Variants in ANKRD26 observed in about 807,000 individuals in gnomAD.
ANKRD26 encodes ankyrin repeat domain 26.
Under a neutral mutation model 208.7 loss-of-function variants are expected in ANKRD26, and 141 were observed. The observed-to-expected ratio is 0.68, with a 90% CI of 0.59 to 0.78. The LOEUF is 0.78. Among genes scored for constraint, ANKRD26 ranks in the 30% least tolerant of loss-of-function variants. The pLI, the probability that ANKRD26 is intolerant of heterozygous loss-of-function variation, is 0.00. For missense variants in ANKRD26, 1,889 were observed against 1,938.7 expected (o/e 0.97, Z 0.48); for synonymous variants, 636 against 660.4 (o/e 0.96, Z 0.57).
At chr10:26,951,990 ATC>A in the ANKRD26 span, among the ~76,000 whole-genome samples, 8 of 107,374 alleles carry the variant, frequency 7.5e-5, no homozygotes, top group Admixed American at 7.9e-4. Flanking sequence ...ATTCTTCTTT[ATC>A]TCTGTTTATC....
chr10:26,977,024 C>T (rs1193806361), intron 5 of ANKRD26, among the ~76,000 whole-genome samples: 1 of 152,134 alleles, frequency 6.6e-6, no homozygotes, highest in Non-Finnish European at 1.5e-5. Context: ...GGCAGTTTGG[C>T]ATTTATCAAA....
chr10:26,972,246 A>G (rs918051201), downstream of ANKRD26, among the ~76,000 whole-genome samples: 1 of 151,804 alleles, frequency 6.6e-6, no homozygotes, highest in Non-Finnish European at 1.5e-5. Context: ...AAAAAAAAAA[A>G]AAAAAGAAAA....
chr10:27,049,558 GA>G (rs751867850), intron 16 of ANKRD26, among the ~76,000 whole-genome samples: 9 of 152,176 alleles, frequency 5.9e-5, no homozygotes, highest in Non-Finnish European at 1.2e-4. Flanking sequence ...GGAACAGAGT[GA>G]AACTGCTGAG....
downstream of ANKRD26, among the ~76,000 whole-genome samples, chr10:27,001,636 A>G (rs370698265): frequency 6.6e-6 from 1 of 152,236 alleles, no homozygotes; most frequent in African/African-American, 2.4e-5. Flanking sequence ...ATCTTTTATT[A>G]TGCAGATGGG....
chr10:26,951,650 T>C, the ANKRD26 span, among the ~76,000 whole-genome samples: 20 of 152,236 alleles, frequency 1.3e-4, no homozygotes, highest in Admixed American at 1.2e-3. Context: ...CGCCTGAGAA[T>C]TTAAAAGTCT....
intron 15 of ANKRD26, among the ~76,000 whole-genome samples, chr10:27,055,538 C>T (rs188272531): frequency 2.0e-4 from 30 of 152,132 alleles, no homozygotes; most frequent in African/African-American, 7.2e-4. Flanking sequence ...TTAAGGGCAC[C>T]GAGTTAAACT....
At chr10:27,076,941 T>C (rs963833283) in intron 9 of ANKRD26, 8 of 182,156 alleles carry the variant, frequency 4.4e-5, no homozygotes, top group Admixed American at 1.1e-4. Context: ...TGATAACAAT[T>C]CTACTGAAAC....
chr10:27,086,438 A>T, intron 5 of ANKRD26, 101 bp downstream of exon 5: 1 of 1,479,230 alleles, frequency 6.8e-7, no homozygotes, highest in Non-Finnish European at 9.2e-7. Context: ...CACCTTATAC[A>T]CTGATTTTTA....
At chr10:27,051,134 C>A (rs1439222229) in intron 16 of ANKRD26, 9 of 1,290,138 alleles carry the variant, frequency 7.0e-6, no homozygotes, top group Non-Finnish European at 9.1e-6. Context: ...CATTTTTAAA[C>A]CTTTGCATAT....
rs1191477094 is a variant in ANKRD26, at chr10:27,004,820, G to A, written c.*770C>T. 1 of 155,964 alleles carries A rather than the reference G, an allele frequency of 6.4e-6. No homozygotes were observed. The highest frequency in any genetic ancestry group is 1.4e-5 in the Non-Finnish European group (1 of 71,534). 9.7% of individuals were successfully genotyped at this position (155,964 alleles called of 1,614,324 possible). A position where few individuals can be genotyped will look rare whatever the true frequency, so the allele number is the denominator to read the frequency against. The stretch of plus-strand genomic sequence containing the variant: ...AAATACAAGCCATGGATTAGAATGG[G>A]ATCCTTTTGCTATAAAGGACATTAC... On this transcript the variant is annotated 3_prime_UTR_variant, in exon 34 of 34. Transcript: ENST00000376087.
chr10:27,076,694 G>C (rs1460864929), intron 9 of ANKRD26, among the ~76,000 whole-genome samples: 4 of 152,010 alleles, frequency 2.6e-5, no homozygotes, highest in African/African-American at 9.7e-5. Flanking sequence ...AAATACAAAA[G>C]ATAGCTCAAG....
chr10:27,044,187 A>G lies in ANKRD26; in HGVS notation c.1989T>C (p.Pro663=). 7.0e-7 allele frequency: 1 copy of G among 1,428,164 alleles called. No homozygotes were observed. The highest frequency in any genetic ancestry group is 9.5e-7 in the Non-Finnish European group (1 of 1,048,214). 88.5% of individuals were successfully genotyped at this position (1,428,164 alleles called of 1,614,324 possible). The change falls in exon 19 of 34, where the codon CCT becomes CCC. Residue 663 remains proline (P), a synonymous_variant. Transcript: ENST00000376087. ...LSEIDEDEGR[P]TKKTSNEKNK... ...TCTTTTCATTAGATGTTTTCTTAGTAGGCCTAAAAAAAAAAAATACCTTTC... is the reference window on the plus strand; with the variant it reads ...TCTTTTCATTAGATGTTTTCTTAGTGGGCCTAAAAAAAAAAAATACCTTTC...
At position 27,028,842 on chromosome 10, in the gene ANKRD26, G is replaced by T; in HGVS notation, c.3972+10C>A. ...TTTTCAGTACGACAGAAATTAAGTG[G>T]CTGACTTACCAAATTTGCATTTAAC... On this transcript the variant is annotated intron_variant, in intron 27 of 33. Transcript: ENST00000376087. The T allele has an allele frequency of 6.2e-7, 1 of 1,607,404 alleles. No individual in the cohort carries two copies. The highest frequency in any genetic ancestry group is 8.5e-7 in the Non-Finnish European group (1 of 1,174,386).
chr10:27,099,759 T>C (rs1055792198), intron 1 of ANKRD26, among the ~76,000 whole-genome samples: 6 of 152,258 alleles, frequency 3.9e-5, no homozygotes, highest in African/African-American at 1.4e-4. Flanking sequence ...TATGCACCTT[T>C]CCATAAGTGT....
chr10:27,017,183 G>A (rs1589220644), intron 30 of ANKRD26, among the ~76,000 whole-genome samples: 1 of 152,124 alleles, frequency 6.6e-6, no homozygotes, highest in Admixed American at 6.5e-5. Context: ...TAAAAAGTGA[G>A]CAATGTAATT....
chr10:26,952,438 G>A, the ANKRD26 span, among the ~76,000 whole-genome samples: 5 of 147,636 alleles, frequency 3.4e-5, no homozygotes, highest in South Asian at 1.0e-3. Flanking sequence ...TTTGCTGTAG[G>A]TTTTGGGCAC....
At chr10:27,073,602 C>T (rs2055584197) in intron 9 of ANKRD26, among the ~76,000 whole-genome samples, 1 of 152,148 alleles carries the variant, frequency 6.6e-6, no homozygotes, top group African/African-American at 2.4e-5. Context: ...TTTGTCAAGG[C>T]CAAACTTGGG....
At chr10:27,046,582 A>G in intron 17 of ANKRD26, 59 bp from the exon 18 acceptor site, 2 of 1,515,048 alleles carry the variant, frequency 1.3e-6, no homozygotes, top group East Asian at 2.3e-5. Flanking sequence ...AAGAAACAAC[A>G]TGCAGAAAGA....
chr10:27,074,661 G>C (rs1272734598), intron 9 of ANKRD26, among the ~76,000 whole-genome samples: 7 of 152,108 alleles, frequency 4.6e-5, no homozygotes, highest in Non-Finnish European at 1.0e-4. Context: ...GGGTGACAGA[G>C]AGACTCTGTC....
Sources: gnomAD v4.1 joint callset for allele counts (sites outside exome capture counted in the v4.1 genomes callset) on GRCh38, gnomAD v4.1.1 for gene constraint, MANE v1.5 for transcripts, NCBI Gene and HGNC (gene_info 2026-07-23, HGNC 2026-07-21) for gene names.